Variants in HHLA2 observed in about 807,000 individuals in gnomAD.
HHLA2 encodes HERV-H LTR-associating protein 2.
A neutral mutation model predicts 45.9 loss-of-function variants in HHLA2; 48 were observed. The observed-to-expected ratio is 1.05, with a 90% confidence interval of 0.83 to 1.33. HHLA2 has a LOEUF of 1.33. HHLA2 is among the 40% of genes most tolerant of loss of function. The probability of loss-of-function intolerance (pLI) is 0.00; values close to 1 mark genes in which losing one functional copy is unlikely to be tolerated. For missense variants in HHLA2, 462 were observed against 494.3 expected (o/e 0.93, Z 0.62); for synonymous variants, 161 against 173.9 (o/e 0.93, Z 0.59).
chr3:108,370,463 C>T (rs1055798858), intron 8 of HHLA2, among the ~76,000 whole-genome samples: 5 of 152,160 alleles, frequency 3.3e-5, no homozygotes, highest in Admixed American at 2.6e-4. Flanking sequence ...AGCAACGGAA[C>T]AAAGCTGGAC....
In HHLA2 at chr3:108,352,420, G is replaced by A. The variant is rs182719395; in HGVS notation, c.64+543G>A. On this transcript the variant is annotated intron_variant, in intron 4 of 10. Coordinates refer to ENST00000619531, the Ensembl canonical transcript of HHLA2. ...TGGTAGGGTAGAAAGAGCCCCAGAAGGGAAGGTAGAGGATAAAGACTGTGA... is the reference window on the plus strand; with the variant it reads ...TGGTAGGGTAGAAAGAGCCCCAGAAAGGAAGGTAGAGGATAAAGACTGTGA... Among the ~76,000 whole-genome samples the A allele has an allele frequency of 8.6e-4, 131 of 152,278 alleles. No individual in the cohort carries two copies. The South Asian group carries it at 0.01, about 12-fold the overall frequency.
intron 3 of HHLA2, among the ~76,000 whole-genome samples, chr3:108,343,760 A>G (rs1490991992): frequency 2.0e-5 from 3 of 152,246 alleles, no homozygotes; most frequent in East Asian, 1.9e-4. Context: ...ATTGCTGGAT[A>G]TATCACTTAC....
chr3:108,370,860 C>A (rs1271041176), intron 8 of HHLA2, among the ~76,000 whole-genome samples: 1 of 152,154 alleles, frequency 6.6e-6, no homozygotes. Flanking sequence ...ATTGGTGTAC[C>A]TGAAAGTGAT....
chr3:108,374,099 C>G (rs2082229842), intron 8 of HHLA2, among the ~76,000 whole-genome samples: 1 of 151,476 alleles, frequency 6.6e-6, no homozygotes, highest in South Asian at 2.1e-4. Flanking sequence ...CTACAGTAAC[C>G]AAAACAGCAT....
intron 1 of HHLA2, among the ~76,000 whole-genome samples, chr3:108,309,168 T>C (rs1302273085): frequency 1.4e-4 from 21 of 152,194 alleles, no homozygotes; most frequent in Admixed American, 1.4e-3. Flanking sequence ...TTTAATCCAC[T>C]TTTATTTGAT....
chr3:108,321,051 G>A (rs1349481040), intron 2 of HHLA2, among the ~76,000 whole-genome samples: 1 of 140,880 alleles, frequency 7.1e-6, no homozygotes, highest in Non-Finnish European at 1.5e-5. Context: ...CACTAGATTC[G>A]TATCCGGGCC....
chr3:108,343,240 G>A (rs533649841), intron 3 of HHLA2, among the ~76,000 whole-genome samples: 58 of 152,286 alleles, frequency 3.8e-4, no homozygotes, highest in African/African-American at 1.2e-3. Flanking sequence ...TATGGATTAT[G>A]AGTAGAAGAC....
At chr3:108,322,479 C>T (rs2081219858) in intron 2 of HHLA2, among the ~76,000 whole-genome samples, 1 of 152,168 alleles carries the variant, frequency 6.6e-6, no homozygotes, top group African/African-American at 2.4e-5. Context: ...CTGCTGAGAG[C>T]TTTCATGCCC....
chr3:108,343,271 G>T (rs533463316), intron 3 of HHLA2, among the ~76,000 whole-genome samples: 2 of 152,130 alleles, frequency 1.3e-5, no homozygotes, highest in Admixed American at 1.3e-4. Flanking sequence ...AAGCAATGAA[G>T]CTTTACAAAC....
chr3:108,362,411 C>T (rs767033047), exon 8 of HHLA2: 4 of 1,612,268 alleles, frequency 2.5e-6, no homozygotes, highest in Admixed American at 3.3e-5. Flanking sequence ...ATTTTGGCAG[C>T]TTTTCTGCTG....
chr3:108,367,699 G>T (rs2082087490), intron 8 of HHLA2, among the ~76,000 whole-genome samples: 1 of 152,064 alleles, frequency 6.6e-6, no homozygotes, highest in South Asian at 2.1e-4. Flanking sequence ...AACAAATATG[G>T]TACTATGTGA....
intron 2 of HHLA2, among the ~76,000 whole-genome samples, chr3:108,314,554 G>C (rs983656813): frequency 5.9e-5 from 9 of 152,074 alleles, no homozygotes; most frequent in African/African-American, 1.9e-4. Context: ...GCTGGGCCTG[G>C]CCACACCATG....
intron 3 of HHLA2, among the ~76,000 whole-genome samples, chr3:108,350,056 A>G (rs1412317623): frequency 2.6e-5 from 4 of 152,214 alleles, no homozygotes; most frequent in Admixed American, 2.6e-4. Flanking sequence ...GTATTATTAC[A>G]TGTTTACATA....
At chr3:108,328,456 C>A in intron 3 of HHLA2, 2 of 682,720 alleles carry the variant, frequency 2.9e-6, no homozygotes, top group Admixed American at 3.3e-5. Context: ...ATATTATTAA[C>A]ATAATTCTTA....
intron 2 of HHLA2, among the ~76,000 whole-genome samples, chr3:108,314,107 G>C (rs1188660109): frequency 6.6e-6 from 1 of 151,924 alleles, no homozygotes; most frequent in Non-Finnish European, 1.5e-5. Flanking sequence ...CTTTACTTCT[G>C]CTGTGTGGAG....
At chr3:108,374,014 T>C (rs997191699) in intron 8 of HHLA2, among the ~76,000 whole-genome samples, 6 of 150,468 alleles carry the variant, frequency 4.0e-5, no homozygotes, top group Admixed American at 4.0e-4. Flanking sequence ...AGAGCCCGCA[T>C]TGCCAAGTCA....
At chr3:108,348,887 G>T (rs879821649) in intron 3 of HHLA2, among the ~76,000 whole-genome samples, 1 of 151,580 alleles carries the variant, frequency 6.6e-6, no homozygotes, top group Admixed American at 6.6e-5. Context: ...AACATGCAGC[G>T]TTTGGTTTTC....
chr3:108,351,812 A>T (rs773260908), exon 4 of HHLA2: 1 of 1,612,316 alleles, frequency 6.2e-7, no homozygotes, highest in South Asian at 1.1e-5. Flanking sequence ...TCTGCACAAG[A>T]CATGAAGGCA....
chr3:108,348,810 C>A (rs1388543886), intron 3 of HHLA2, among the ~76,000 whole-genome samples: 2 of 151,920 alleles, frequency 1.3e-5, no homozygotes, highest in Admixed American at 1.3e-4. Flanking sequence ...CCCCCCACCC[C>A]CTGACAGGCC....
Sources: allele counts gnomAD v4.1 joint callset (sites outside exome capture counted in the v4.1 genomes callset), GRCh38; gene constraint gnomAD v4.1.1; transcripts MANE v1.5; gene names NCBI Gene and HGNC (gene_info 2026-07-23, HGNC 2026-07-21).